The following LAMB4 variants were observed in gnomAD, a reference collection of about 807,000 sequenced individuals.
The protein encoded by LAMB4 is laminin subunit beta-4.
A neutral mutation model predicts 199.2 loss-of-function variants in LAMB4; 196 were observed. The ratio of observed to expected loss-of-function variants is 0.98; its 90% confidence interval spans 0.88 to 1.11. The LOEUF (loss-of-function observed/expected upper bound fraction) is 1.11, where lower values mean the gene tolerates loss of function less well. LAMB4 is among the 50% of genes least tolerant of loss of function. LAMB4 has a pLI of 0.00. For synonymous variants in LAMB4, 744 were observed against 770.6 expected (o/e 0.97, Z 0.57); for missense variants, 2,080 against 2,171.2 (o/e 0.96, Z 0.83).
At chr7:108,043,545 G>GTGT (rs2035496985) in intron 29 of LAMB4, among the ~76,000 whole-genome samples, 1 of 56,002 alleles carries the variant, frequency 1.8e-5, no homozygotes, top group African/African-American at 1.5e-4. Flanking sequence ...TGGCTATGAT[G>GTGT]TTTTTTTTTT....
Position 108,062,991 on chromosome 7 carries a change from C to G in LAMB4, c.3065G>C (p.Cys1022Ser), listed in dbSNP as rs2036218396. 6.4e-7 allele frequency: 1 copy of G among 1,557,594 alleles called. No individual in the cohort carries two copies. ...GSALNQTCRR[C>S]SCHASGVSPM... ...ACTCACGCCGGAAGCATGGCAGGAG[C>G]ATCCTGTGATGACAAAACCATCATC... The change falls in exon 23 of 34, where the codon TGC (cysteine) becomes TCC (serine). Residue 1022 changes from cysteine (C) to serine (S), a missense_variant. Coordinates refer to ENST00000388781, the MANE Select transcript of LAMB4 (RefSeq NM_007356.3).
intron 2 of LAMB4, among the ~76,000 whole-genome samples, chr7:108,122,061 T>C (rs2038619122): frequency 6.6e-6 from 1 of 152,232 alleles, no homozygotes; most frequent in Non-Finnish European, 1.5e-5. Flanking sequence ...TGAGGTCTTT[T>C]CTGCCCAAGC....
rs1228378192 is a variant in LAMB4, at chr7:108,052,235, C to T, written c.3778G>A (p.Glu1260Lys). The T allele has an allele frequency of 6.2e-7, 1 of 1,602,894 alleles. No individual in the cohort carries two copies. Among genetic ancestry groups the T allele is most frequent in the Admixed American group, 1.7e-5 (1 of 58,878 alleles). ...AATTCATACACTGCTTTCAGTTGTT[C>T]ATTTAGCTGCATGATTTGTCTTCTA... The part of the protein sequence containing the change: ...SVRRQIMQLN[E>K]QLKAVYEFQD... The change falls in exon 26 of 34, where the codon GAA becomes AAA. Residue 1260 changes from glutamate (E) to lysine (K), a missense_variant. Glu to Lys is a moderately conservative substitution (Grantham distance 56, BLOSUM62 1). Transcript: ENST00000388781.
In LAMB4 at chr7:108,029,213, T is replaced by C; in HGVS notation, c.4993-17A>G. On this transcript the variant is annotated splice_polypyrimidine_tract_variant and intron_variant, in intron 32 of 33. Coordinates refer to ENST00000388781, the MANE Select transcript of LAMB4 (RefSeq NM_007356.3). ...AACAAATTCCTGTAACAAGCAACACTTGCATCATGAGAAAATATGTATAAA... is the reference window on the plus strand; with the variant it reads ...AACAAATTCCTGTAACAAGCAACACCTGCATCATGAGAAAATATGTATAAA... The C allele has an allele frequency of 6.2e-7, 1 of 1,606,758 alleles. No individual in the cohort carries two copies. Among genetic ancestry groups the C allele is most frequent in the Non-Finnish European group, 8.5e-7 (1 of 1,176,856 alleles).
the LAMB4 span, among the ~76,000 whole-genome samples, chr7:108,013,646 G>C: frequency 6.6e-6 from 1 of 152,016 alleles, no homozygotes; most frequent in African/African-American, 2.4e-5. Context: ...AATTATAATC[G>C]GGAAGGTAAA....
Position 108,029,734 on chromosome 7 carries a change from T to A in LAMB4, c.4993-538A>T, listed in dbSNP as rs115339632. ...TTGAATAGAATGGAAATCTGTGGGT[T>A]ACCTTGTGTGTTGACAACCTAGAAG... is the stretch of plus-strand genomic sequence containing the variant. On this transcript the variant is annotated intron_variant, in intron 32 of 33. Transcript: ENST00000388781. Among the ~76,000 whole-genome samples the A allele has an allele frequency of 4.6e-3, 694 of 152,298 alleles. 2 individuals are homozygous for A. Among genetic ancestry groups the A allele is most frequent in the African/African-American group, 0.016 (661 of 41,574 alleles).
intron 3 of LAMB4, 68 bp downstream of exon 3, chr7:108,115,936 G>A (rs2038388851): frequency 1.3e-6 from 2 of 1,517,932 alleles, no homozygotes; most frequent in South Asian, 2.4e-5. Context: ...GTAGCCCCAG[G>A]TGTACCTGGA....
intron 16 of LAMB4, 54 bp downstream of exon 16, chr7:108,078,147 A>G: frequency 8.4e-7 from 1 of 1,190,628 alleles, no homozygotes; most frequent in South Asian, 1.3e-5. Flanking sequence ...ATTACTGATA[A>G]GTGAACAAAA....
intron 29 of LAMB4, 136 bp from the exon 30 acceptor site, chr7:108,037,731 G>T (rs1584603704): frequency 1.5e-6 from 1 of 653,234 alleles, no homozygotes; most frequent in East Asian, 2.7e-5. Context: ...GGATTAGATT[G>T]TAGCTTCCTA....
chr7:108,061,564 CCCT>C (rs1243043802), intron 23 of LAMB4, among the ~76,000 whole-genome samples: 1 of 151,810 alleles, frequency 6.6e-6, no homozygotes, highest in African/African-American at 2.4e-5. Flanking sequence ...CATGGTGAAA[CCCT>C]GTCTCTACTA....
chr7:108,066,569 G>T lies in LAMB4; in HGVS notation c.2478C>A (p.Asp826Glu). 1 of 1,612,464 alleles carries T rather than the reference G, an allele frequency of 6.2e-7. No individual in the cohort carries two copies. The highest frequency in any genetic ancestry group is 8.5e-7 in the Non-Finnish European group (1 of 1,179,234). ...PCHCHPQGSK[D>E]TVCDQVTGQC... ...GTCCTGTTACTTGGTCACATACAGT[G>T]TCCTTTGATCCTTGAGGATGGCAGT... Residue 826 changes from aspartate (D) to glutamate (E), a missense_variant, in exon 20 of 34, where the codon GAC becomes GAA. Transcript: ENST00000388781.
chr7:108,017,918 G>A, the LAMB4 span, among the ~76,000 whole-genome samples: 3 of 152,238 alleles, frequency 2.0e-5, no homozygotes, highest in African/African-American at 4.8e-5. Flanking sequence ...ACAGCTAAAG[G>A]AAATGAGGAC....
intron 16 of LAMB4, among the ~76,000 whole-genome samples, chr7:108,077,882 A>G (rs945515914): frequency 1.3e-5 from 2 of 152,220 alleles, no homozygotes; most frequent in East Asian, 1.9e-4. Context: ...GGAACATTCA[A>G]TATTTAGAGT....
At chr7:108,084,438 T>C (rs911913623) in intron 14 of LAMB4, among the ~76,000 whole-genome samples, 14 of 151,998 alleles carry the variant, frequency 9.2e-5, no homozygotes, top group African/African-American at 3.4e-4. Context: ...CATCTTGATA[T>C]AGTTAATAAT....
At chr7:108,095,133 A>T (rs2037547374) in intron 12 of LAMB4, 95 bp downstream of exon 12, 1 of 835,072 alleles carries the variant, frequency 1.2e-6, no homozygotes, top group African/African-American at 1.7e-5. Flanking sequence ...ACACAATAGG[A>T]CAAGAAAGAG....
At chr7:108,054,393 C>G (rs531328631) in intron 25 of LAMB4, among the ~76,000 whole-genome samples, 3 of 152,242 alleles carry the variant, frequency 2.0e-5, no homozygotes, top group African/African-American at 7.2e-5. Flanking sequence ...CCTTGTGCAC[C>G]TTTTAAGCAA....
chr7:108,057,127 G>A (rs2036010573), intron 24 of LAMB4, among the ~76,000 whole-genome samples: 1 of 152,088 alleles, frequency 6.6e-6, no homozygotes, highest in African/African-American at 2.4e-5. Context: ...TTCATCACCT[G>A]GAGGCCATTT....
At chr7:108,047,226 G>A (rs900135196) in intron 28 of LAMB4, among the ~76,000 whole-genome samples, 9 of 151,978 alleles carry the variant, frequency 5.9e-5, no homozygotes, top group Non-Finnish European at 4.4e-5. Flanking sequence ...GAATGACACA[G>A]GTTGGAACTG....
At chr7:108,051,445 A>T (rs79252047) in intron 26 of LAMB4, among the ~76,000 whole-genome samples, 1,921 of 152,292 alleles carry the variant, frequency 0.013, 44 homozygotes, top group African/African-American at 0.044. Context: ...GAATAAACTC[A>T]GTGATGCTTC....
Sources: allele counts gnomAD v4.1 joint callset (sites outside exome capture counted in the v4.1 genomes callset), GRCh38; gene constraint gnomAD v4.1.1; transcripts MANE v1.5; gene names NCBI Gene and HGNC (gene_info 2026-07-23, HGNC 2026-07-21).